The following URB1 variants were observed in gnomAD, a reference collection of about 807,000 sequenced individuals.
The protein encoded by URB1 is URB1 ribosome biogenesis factor, also known as nucleolar pre-ribosomal-associated protein 1.
URB1 carries 197 observed loss-of-function variants against 242.3 expected under a neutral mutation model. The ratio of observed to expected loss-of-function variants is 0.81; its 90% CI spans 0.72 to 0.91. The LOEUF is 0.91. Ranked by LOEUF, URB1 falls within the 40% of genes least tolerant of loss-of-function variation. The pLI, the probability that URB1 is intolerant of heterozygous loss-of-function variation, is 0.00. For synonymous variants in URB1, 1,153 were observed against 1,201.8 expected, an observed-to-expected ratio of 0.96 and a Z score of 0.84; for missense variants, 2,721 against 2,860.5, an observed-to-expected ratio of 0.95 and a Z score of 1.11.
intron 24 of URB1, among the ~76,000 whole-genome samples, chr21:32,342,785 C>T (rs899145667): frequency 2.0e-5 from 3 of 152,228 alleles, no homozygotes; most frequent in East Asian, 3.9e-4. Context: ...GTTCTCTTTC[C>T]CCCAGCATTT....
chr21:32,384,657 GC>G (rs1370625455), intron 2 of URB1, among the ~76,000 whole-genome samples, 193 bp from the exon 3 acceptor site: 10 of 152,094 alleles, frequency 6.6e-5, no homozygotes, highest in Non-Finnish European at 1.5e-4. Context: ...CCTGCATGTA[GC>G]CCCACTCCCA....
chr21:32,339,238 C>T (rs557079272), intron 25 of URB1, among the ~76,000 whole-genome samples: 1 of 152,316 alleles, frequency 6.6e-6, no homozygotes, highest in Non-Finnish European at 1.5e-5. Context: ...AGGTGAGCTG[C>T]CCACCTCGGC....
At chr21:32,321,006 C>G (rs964993542) in intron 34 of URB1, among the ~76,000 whole-genome samples, 1 of 152,206 alleles carries the variant, frequency 6.6e-6, no homozygotes, top group African/African-American at 2.4e-5. Flanking sequence ...CCGCCAGCCA[C>G]GAGCCATGCG....
chr21:32,384,102 G>A (rs975223372), intron 3 of URB1, among the ~76,000 whole-genome samples: 2 of 152,036 alleles, frequency 1.3e-5, no homozygotes, highest in African/African-American at 4.8e-5. Flanking sequence ...TAGCAGGCAG[G>A]ACAAGAGGGA....
At chr21:32,325,450 C>A in intron 30 of URB1, 61 bp from the exon 31 acceptor site, 1 of 1,496,338 alleles carries the variant, frequency 6.7e-7, no homozygotes, top group South Asian at 1.3e-5. Flanking sequence ...TCTTGTTAAC[C>A]TGGAGAATTA....
intron 24 of URB1, among the ~76,000 whole-genome samples, chr21:32,343,654 C>T (rs1313268955): frequency 1.1e-4 from 16 of 152,046 alleles, no homozygotes; most frequent in Admixed American, 1.0e-3. Context: ...AAACTTACCT[C>T]AATTAAAAGA....
chr21:32,334,550 G>A (rs1000724195), intron 28 of URB1, among the ~76,000 whole-genome samples: 4 of 152,184 alleles, frequency 2.6e-5, no homozygotes, highest in African/African-American at 7.2e-5. Flanking sequence ...CAGTGATGAC[G>A]ACAGAAGCTG....
intron 9 of URB1, among the ~76,000 whole-genome samples, chr21:32,367,792 TAATCGGGCAACTCATC>T (rs2033362822): frequency 6.6e-6 from 1 of 152,218 alleles, no homozygotes; most frequent in African/African-American, 2.4e-5. Flanking sequence ...GGAGAAGAGA[TAATCGGGCAACTCATC>T]AATCCCAGTC....
intron 30 of URB1, among the ~76,000 whole-genome samples, chr21:32,327,164 T>C (rs1432596416): frequency 6.6e-6 from 1 of 152,090 alleles, no homozygotes; most frequent in Non-Finnish European, 1.5e-5. Flanking sequence ...TATATTTATA[T>C]ATAAAAGAAA....
At chr21:32,383,631 G>A in intron 3 of URB1, 77 bp from the exon 4 acceptor site, 4 of 1,410,190 alleles carry the variant, frequency 2.8e-6, no homozygotes, top group East Asian at 2.9e-5. Context: ...AAAGCCAGCT[G>A]CAAGCTGCTT....
At chr21:32,362,078 T>C (rs1233322295) in intron 11 of URB1, 57 bp from the exon 12 acceptor site, 2 of 1,536,708 alleles carry the variant, frequency 1.3e-6, no homozygotes, top group African/African-American at 2.8e-5. Context: ...GGGAGACAAA[T>C]GAACTGAACA....
rs2032737561 is a variant in URB1 at position 32,319,389 on chromosome 21, T to C, written c.5620A>G (p.Asn1874Asp). 1 of 1,537,404 alleles carries C rather than the reference T, an allele frequency of 6.5e-7. No homozygotes were observed. Among genetic ancestry groups the C allele is most frequent in the Non-Finnish European group, 8.8e-7 (1 of 1,141,468 alleles). ...AGTGTGTGTAGCAAGGAGATCACATTAGACAGCAGCGGAGTCTCCAGAAAC... is the reference window on the plus strand; with the variant it reads ...AGTGTGTGTAGCAAGGAGATCACATCAGACAGCAGCGGAGTCTCCAGAAAC... ...SKFLETPLLS[N>D]VISLLHTLWV... is the part of the protein sequence containing the mutation. The change falls in exon 36 of 39, where the codon AAT (asparagine) becomes GAT (aspartate). Residue 1874 changes from asparagine to aspartate, a missense_variant. Coordinates refer to ENST00000382751, the MANE Select transcript of URB1 (RefSeq NM_014825.3).
At position 32,341,523 on chromosome 21, in the gene URB1, T is replaced by C. The variant is rs2033029724; in HGVS notation, c.4259A>G (p.His1420Arg). 6.4e-7 allele frequency: 1 copy of C among 1,551,366 alleles called. No homozygotes were observed. Among genetic ancestry groups the C allele is most frequent in the African/African-American group, 1.4e-5 (1 of 73,176 alleles). The change falls in exon 25 of 39, where the codon CAT becomes CGT. Residue 1420 changes from histidine (H) to arginine (R), a missense_variant and splice_region_variant. Physicochemically the swap from His to Arg is conservative, Grantham distance 29 (BLOSUM62 0). Transcript: ENST00000382751. ...EMLLRLNALL[H>R]ALNEVDPGDW... is the part of the protein sequence containing the mutation. Reference sequence around the variant, plus strand: ...ACCAGGATCAACTTCATTAAGTGCATGCTATGAATAAAATAAGTAAGAAAA... The same window carrying C: ...ACCAGGATCAACTTCATTAAGTGCACGCTATGAATAAAATAAGTAAGAAAA...
chr21:32,357,314 TA>T (rs76266853), intron 15 of URB1, among the ~76,000 whole-genome samples: 8,782 of 79,304 alleles, frequency 0.11, 277 homozygotes, highest in Middle Eastern at 0.26. Flanking sequence ...ATGACCTACC[TA>T]AAAAAAAAAA....
chr21:32,383,649 T>C (rs981461130), intron 3 of URB1, 95 bp from the exon 4 acceptor site: 1 of 1,343,040 alleles, frequency 7.4e-7, no homozygotes. Context: ...CTTGTGTTAT[T>C]TGCTATCCCC....
intron 1 of URB1, among the ~76,000 whole-genome samples, chr21:32,392,000 G>A (rs1193575404): frequency 6.6e-6 from 1 of 151,692 alleles, no homozygotes; most frequent in African/African-American, 2.4e-5. Flanking sequence ...CTTCAGCCTG[G>A]GCAACAGAGC....
At position 32,362,031 on chromosome 21, in the gene URB1, A is replaced by G. The variant is rs1310843584; in HGVS notation, c.1510-10T>C. 6.4e-7 allele frequency: 1 copy of G among 1,550,736 alleles called. No individual in the cohort carries two copies. Among genetic ancestry groups the G allele is most frequent in the African/African-American group, 1.4e-5 (1 of 72,992 alleles). On this transcript the variant is annotated splice_polypyrimidine_tract_variant and intron_variant, in intron 11 of 38. Transcript: ENST00000382751. ...TCAGGTCTGGCAAAATCTAAATGGG[A>G]AAAAGAAGCAGAACATTAGTTGTAG...
chr21:32,378,827 G>A (rs1251881063), intron 4 of URB1, among the ~76,000 whole-genome samples: 2 of 152,136 alleles, frequency 1.3e-5, no homozygotes, highest in East Asian at 3.9e-4. Context: ...TCCCTTCCCT[G>A]ACTATAACAC....
chr21:32,326,828 A>G (rs1360614354), intron 30 of URB1, among the ~76,000 whole-genome samples: 1 of 152,236 alleles, frequency 6.6e-6, no homozygotes, highest in Non-Finnish European at 1.5e-5. Context: ...TTGATCAATT[A>G]TCCAGTCTCG....
Sources: gnomAD v4.1 joint callset for allele counts (sites outside exome capture counted in the v4.1 genomes callset) on GRCh38, gnomAD v4.1.1 for gene constraint, MANE v1.5 for transcripts, NCBI Gene and HGNC (gene_info 2026-07-23, HGNC 2026-07-21) for gene names.